Variants in CNTNAP2 observed in about 807,000 individuals in gnomAD.
The protein encoded by CNTNAP2 is contactin-associated protein-like 2.
Under a neutral mutation model 155.2 loss-of-function variants are expected in CNTNAP2, and 98 were observed. The ratio of observed to expected loss-of-function variants is 0.63; its 90% confidence interval spans 0.54 to 0.75. CNTNAP2 has a LOEUF of 0.75. Ranked by LOEUF, CNTNAP2 falls within the 30% of genes least tolerant of loss-of-function variation. The probability of loss-of-function intolerance (pLI) is 0.00; values close to 1 mark genes in which losing one functional copy is unlikely to be tolerated. For synonymous variants in CNTNAP2, 651 were observed against 631.2 expected, an observed-to-expected ratio of 1.03 and a Z score of -0.47; for missense variants, 1,727 against 1,688.1, an observed-to-expected ratio of 1.02 and a Z score of -0.40.
At chr7:146,555,453 C>G (rs193302829) in intron 1 of CNTNAP2, among the ~76,000 whole-genome samples, 2 of 151,796 alleles carry the variant, frequency 1.3e-5, no homozygotes, top group African/African-American at 2.4e-5. Context: ...ATCTATTTAT[C>G]GATTTATCCA....
At chr7:146,877,022 T>C (rs757137068) in intron 3 of CNTNAP2, among the ~76,000 whole-genome samples, 3 of 152,182 alleles carry the variant, frequency 2.0e-5, no homozygotes, top group Non-Finnish European at 2.9e-5. Flanking sequence ...ATTGATGACA[T>C]TAAGCATGTA....
intron 1 of CNTNAP2, among the ~76,000 whole-genome samples, chr7:146,377,478 C>A (rs969146959): frequency 1.3e-5 from 2 of 152,102 alleles, no homozygotes; most frequent in African/African-American, 4.8e-5. Flanking sequence ...ATCTCTGACC[C>A]TGATGGCTCC....
chr7:147,097,329 T>TTGTA (rs1800557592), intron 4 of CNTNAP2: 1 of 152,140 alleles, frequency 6.6e-6, no homozygotes, highest in African/African-American at 2.4e-5. Flanking sequence ...GGATGAATAG[T>TTGTA]TGTATGGATG....
chr7:147,641,635 A>G (rs1054111855), intron 13 of CNTNAP2, among the ~76,000 whole-genome samples: 1 of 152,146 alleles, frequency 6.6e-6, no homozygotes, highest in African/African-American at 2.4e-5. Context: ...TTCAGTAAGT[A>G]ATTAAGATTA....
At chr7:147,353,280 C>A (rs891591756) in intron 9 of CNTNAP2, among the ~76,000 whole-genome samples, 4 of 151,820 alleles carry the variant, frequency 2.6e-5, no homozygotes, top group Non-Finnish European at 5.9e-5. Flanking sequence ...GTATTTCTCC[C>A]AATGTTATCC....
intron 1 of CNTNAP2, among the ~76,000 whole-genome samples, chr7:146,519,382 T>C (rs543810368): frequency 6.6e-6 from 1 of 150,990 alleles, no homozygotes; most frequent in South Asian, 2.1e-4. Flanking sequence ...TCTTCAAGAG[T>C]TTTTCAACTC....
chr7:148,367,735 G>A (rs969020584), intron 21 of CNTNAP2, among the ~76,000 whole-genome samples: 39 of 151,880 alleles, frequency 2.6e-4, no homozygotes, highest in South Asian at 2.3e-3. Context: ...TAATGCGATC[G>A]CCCCATAAAA....
chr7:148,124,489 G>C (rs1487676400), intron 16 of CNTNAP2, among the ~76,000 whole-genome samples: 1 of 152,026 alleles, frequency 6.6e-6, no homozygotes, highest in African/African-American at 2.4e-5. Context: ...CCCAACCTCG[G>C]GCCACCACCT....
chr7:147,837,990 C>T (rs1798660973), intron 13 of CNTNAP2, among the ~76,000 whole-genome samples: 1 of 152,180 alleles, frequency 6.6e-6, no homozygotes, highest in Non-Finnish European at 1.5e-5. Context: ...TCTGCCTGGA[C>T]ATCCAGGCAT....
At chr7:148,345,875 G>T (rs1434897051) in intron 21 of CNTNAP2, among the ~76,000 whole-genome samples, 1 of 152,088 alleles carries the variant, frequency 6.6e-6, no homozygotes, top group African/African-American at 2.4e-5. Flanking sequence ...GACATTTGAT[G>T]TAAATAGTAC....
chr7:146,822,452 C>T (rs1803305533), intron 2 of CNTNAP2, among the ~76,000 whole-genome samples: 1 of 151,290 alleles, frequency 6.6e-6, no homozygotes, highest in Admixed American at 6.6e-5. Flanking sequence ...TCACATGTAC[C>T]TTCAAACTTA....
intron 3 of CNTNAP2, among the ~76,000 whole-genome samples, chr7:146,933,354 A>C (rs1563008810): frequency 6.6e-6 from 1 of 151,836 alleles, no homozygotes; most frequent in Non-Finnish European, 1.5e-5. Flanking sequence ...TCCCTATTTA[A>C]TAAATGGTGC....
chr7:148,243,871 A>C (rs1459459340), intron 20 of CNTNAP2, among the ~76,000 whole-genome samples: 1 of 152,210 alleles, frequency 6.6e-6, no homozygotes, highest in East Asian at 1.9e-4. Flanking sequence ...GGGACTGTAG[A>C]CTGAGGCCTA....
At chr7:146,134,501 G>A (rs1287199725) in intron 1 of CNTNAP2, among the ~76,000 whole-genome samples, 1 of 151,602 alleles carries the variant, frequency 6.6e-6, no homozygotes, top group African/African-American at 2.4e-5. Context: ...TTTTCAAAGG[G>A]AATGCTTCCA....
chr7:146,559,177 C>T (rs1035054254), intron 1 of CNTNAP2, among the ~76,000 whole-genome samples: 44 of 151,990 alleles, frequency 2.9e-4, no homozygotes, highest in African/African-American at 7.5e-4. Flanking sequence ...AAATACCTGA[C>T]CATCATTTCA....
chr7:147,636,080 G>T (rs920694090), intron 12 of CNTNAP2, among the ~76,000 whole-genome samples: 7 of 152,192 alleles, frequency 4.6e-5, no homozygotes, highest in Non-Finnish European at 1.0e-4. Flanking sequence ...ATGTCAGAAA[G>T]TGACAGAATT....
At position 148,077,769 on chromosome 7, in the gene CNTNAP2, A is replaced by G. The variant is rs188891406; in HGVS notation, c.2384-40349A>G. On this transcript the variant is annotated intron_variant, in intron 15 of 23. Transcript: ENST00000361727. Reference sequence around the variant, plus strand: ...AGAATTGGCCTAAACTAGAAAATAAACAAGGACCTTATTCAAGTATTTCCT... The same window carrying G: ...AGAATTGGCCTAAACTAGAAAATAAGCAAGGACCTTATTCAAGTATTTCCT... 2.3e-3 allele frequency among the ~76,000 whole-genome samples: 348 copies of G among 152,332 alleles called. 1 individual carries two copies. The highest frequency in any genetic ancestry group is 7.9e-3 in the African/African-American group (330 of 41,580).
At chr7:147,064,147 G>T (rs1439114166) in intron 4 of CNTNAP2, among the ~76,000 whole-genome samples, 1 of 152,096 alleles carries the variant, frequency 6.6e-6, no homozygotes, top group Non-Finnish European at 1.5e-5. Context: ...AGTATTAAAA[G>T]GCTGACTTAC....
chr7:147,436,715 C>T (rs984683588), intron 10 of CNTNAP2, among the ~76,000 whole-genome samples: 1 of 152,124 alleles, frequency 6.6e-6, no homozygotes, highest in Non-Finnish European at 1.5e-5. Context: ...TTTGTGCTTG[C>T]TAATTGGCTT....
Sources: gnomAD v4.1 joint callset for allele counts (sites outside exome capture counted in the v4.1 genomes callset) on GRCh38, gnomAD v4.1.1 for gene constraint, MANE v1.5 for transcripts, NCBI Gene and HGNC (gene_info 2026-07-23, HGNC 2026-07-21) for gene names.